Variants in MCUB observed in about 807,000 individuals in gnomAD.
MCUB encodes calcium uniporter regulatory subunit MCUb, mitochondrial.
Under a neutral mutation model 41.4 loss-of-function variants are expected in MCUB, and 46 were observed. That is an observed-to-expected ratio of 1.11 (90% CI 0.88 to 1.42). The LOEUF (loss-of-function observed/expected upper bound fraction) is 1.42, where lower values mean the gene tolerates loss of function less well. Among genes scored for constraint, MCUB ranks in the 40% most tolerant of loss-of-function variants. The pLI is 0.00. For missense variants in MCUB, 403 were observed against 404.9 expected (o/e 1.00, Z 0.04); for synonymous variants, 148 against 148.2 (o/e 1.00, Z 0.01).
At chr4:109,660,611 GT>G (rs1024230898) in intron 3 of MCUB, among the ~76,000 whole-genome samples, 1 of 152,140 alleles carries the variant, frequency 6.6e-6, no homozygotes, top group African/African-American at 2.4e-5. Flanking sequence ...GAGGTCAGGA[GT>G]TCGAGACCAG....
intron 1 of MCUB, among the ~76,000 whole-genome samples, chr4:109,632,064 C>G (rs1355186235): frequency 6.6e-6 from 1 of 152,160 alleles, no homozygotes; most frequent in Non-Finnish European, 1.5e-5. Context: ...GTCCGAATCT[C>G]AGCCTAGATA....
chr4:109,656,345 T>A (rs1729098495), intron 1 of MCUB, among the ~76,000 whole-genome samples: 2 of 138,934 alleles, frequency 1.4e-5, no homozygotes, highest in Non-Finnish European at 3.1e-5. Flanking sequence ...CTCTAACTTT[T>A]ACTCTCTACT....
Position 109,685,232 on chromosome 4 carries a change from C to T in MCUB, c.817-19C>T. On this transcript the variant is annotated intron_variant, in intron 6 of 7. Transcript: ENST00000394650. ...CATTCAAAACATGTTGTTTTCTTCT[C>T]TCTCTCTTTTTTTTTAAGGATTATA... is the stretch of plus-strand genomic sequence containing the variant. 1.1e-6 allele frequency: 1 copy of T among 928,464 alleles called. No individual in the cohort carries two copies. Among genetic ancestry groups the T allele is most frequent in the Non-Finnish European group, 1.6e-6 (1 of 608,388 alleles). The allele number at this position is 928,464 out of a possible 1,614,324, so 57.5% of individuals were successfully genotyped here.
intron 1 of MCUB, among the ~76,000 whole-genome samples, chr4:109,580,663 C>G (rs1727150057): frequency 6.6e-6 from 1 of 152,198 alleles, no homozygotes; most frequent in Non-Finnish European, 1.5e-5. Flanking sequence ...TGTCTGTTGG[C>G]TGCATAAATG....
intron 6 of MCUB, 50 bp from the exon 7 acceptor site, chr4:109,685,201 T>A: frequency 1.3e-6 from 1 of 788,020 alleles, no homozygotes; most frequent in Non-Finnish European, 2.2e-6. Context: ...GCAGAGGCAT[T>A]ATGTTCATTC....
At chr4:109,659,712 A>G (rs1729184569) in intron 2 of MCUB, among the ~76,000 whole-genome samples, 1 of 152,106 alleles carries the variant, frequency 6.6e-6, no homozygotes, top group South Asian at 2.1e-4. Context: ...GCTGGAGTGC[A>G]GTGGCACGAT....
At chr4:109,682,383 TG>T (rs1729738246) in intron 4 of MCUB, among the ~76,000 whole-genome samples, 198 bp from the exon 5 acceptor site, 2 of 152,196 alleles carry the variant, frequency 1.3e-5, no homozygotes, top group Admixed American at 1.3e-4. Flanking sequence ...TGTTGTTTAC[TG>T]TGACTCTCTT....
At chr4:109,643,984 G>A (rs1035899148) in intron 1 of MCUB, among the ~76,000 whole-genome samples, 1 of 152,040 alleles carries the variant, frequency 6.6e-6, no homozygotes, top group Admixed American at 6.6e-5. Context: ...CAAGATTTGG[G>A]GGAGCCTCGC....
At chr4:109,583,073 A>T (rs945329417) in intron 1 of MCUB, among the ~76,000 whole-genome samples, 1 of 152,132 alleles carries the variant, frequency 6.6e-6, no homozygotes, top group Non-Finnish European at 1.5e-5. Context: ...TATGAACTTT[A>T]AAGTAGTTTT....
intron 1 of MCUB, among the ~76,000 whole-genome samples, chr4:109,569,899 A>G (rs1726873718): frequency 6.6e-6 from 1 of 152,154 alleles, no homozygotes; most frequent in South Asian, 2.1e-4. Flanking sequence ...ACATTGTGAG[A>G]TGAATGCTGT....
chr4:109,633,839 T>A (rs964835564), intron 1 of MCUB, among the ~76,000 whole-genome samples: 4 of 152,030 alleles, frequency 2.6e-5, no homozygotes, highest in African/African-American at 9.7e-5. Context: ...AGGAAAAAAA[T>A]TGGTATATGT....
chr4:109,567,977 G>A (rs186441024), intron 1 of MCUB, among the ~76,000 whole-genome samples: 1 of 152,268 alleles, frequency 6.6e-6, no homozygotes, highest in African/African-American at 2.4e-5. Context: ...GGGATTACAG[G>A]TGTGGGCCAC....
At chr4:109,642,742 G>T (rs1051919039) in intron 1 of MCUB, among the ~76,000 whole-genome samples, 1 of 151,956 alleles carries the variant, frequency 6.6e-6, no homozygotes, top group African/African-American at 2.4e-5. Context: ...TAGAATAGGA[G>T]GCTGGATCAC....
At chr4:109,646,983 A>G (rs1055300317) in intron 1 of MCUB, among the ~76,000 whole-genome samples, 3 of 152,224 alleles carry the variant, frequency 2.0e-5, no homozygotes, top group South Asian at 2.1e-4. Context: ...AAATAACAGC[A>G]TGTGGGGCGA....
Position 109,684,806 on chromosome 4 carries a change from C to T in MCUB, c.816+160C>T, listed in dbSNP as rs1279694932. On this transcript the variant is annotated intron_variant, in intron 6 of 7. Coordinates refer to ENST00000394650, the MANE Select transcript of MCUB (RefSeq NM_017918.5). ...TGTTTTTCACAAGACTGAATGAAGA[C>T]TCACAACACAGAGAAATTATATATA... is the stretch of plus-strand genomic sequence containing the variant. 7.3e-6 allele frequency: 4 copies of T among 547,092 alleles called. No individual in the cohort carries two copies. The Admixed American group carries it at 1.4e-4, about 20-fold the overall frequency. The allele number at this position is 547,092 out of a possible 1,614,324, so 33.9% of individuals were successfully genotyped here. A position where few individuals can be genotyped will look rare whatever the true frequency, so the allele number is the denominator to read the frequency against.
intron 1 of MCUB, among the ~76,000 whole-genome samples, chr4:109,604,485 C>T (rs1198019255): frequency 6.6e-6 from 1 of 152,144 alleles, no homozygotes; most frequent in Non-Finnish European, 1.5e-5. Context: ...TAACTTCTTC[C>T]TTTCCAGTTT....
chr4:109,627,019 C>G (rs940970423), intron 1 of MCUB, among the ~76,000 whole-genome samples: 1 of 151,908 alleles, frequency 6.6e-6, no homozygotes, highest in African/African-American at 2.4e-5. Context: ...CAAAGAAGGA[C>G]AAAATATAGG....
chr4:109,574,517 C>T (rs1484702100), intron 1 of MCUB, among the ~76,000 whole-genome samples: 2 of 152,126 alleles, frequency 1.3e-5, no homozygotes, highest in South Asian at 2.1e-4. Context: ...TGAACACACC[C>T]GAACCAGGAA....
chr4:109,648,690 T>G, intron 1 of MCUB: 1 of 353,574 alleles, frequency 2.8e-6, no homozygotes, highest in Non-Finnish European at 5.2e-6. Flanking sequence ...TATATAGCAG[T>G]TTGATTTTTT....
Sources: gnomAD v4.1 joint callset for allele counts (sites outside exome capture counted in the v4.1 genomes callset) on GRCh38, gnomAD v4.1.1 for gene constraint, MANE v1.5 for transcripts, NCBI Gene and HGNC (gene_info 2026-07-23, HGNC 2026-07-21) for gene names.